Variants in IDNK observed in about 807,000 individuals in gnomAD.
IDNK encodes the protein gluconokinase.
In IDNK, 9 loss-of-function variants were observed where a neutral mutation model predicts 13.0. The observed-to-expected ratio is 0.69, with a 90% CI of 0.42 to 1.21. The LOEUF (loss-of-function observed/expected upper bound fraction) is 1.21, where lower values mean the gene tolerates loss of function less well. Among genes scored for constraint, IDNK ranks in the 50% most tolerant of loss-of-function variants. The pLI is 0.00. For synonymous variants in IDNK, 92 were observed against 94.9 expected (o/e 0.97, Z 0.18); for missense variants, 210 against 237.8 (o/e 0.88, Z 0.77).
intron 1 of IDNK, among the ~76,000 whole-genome samples, chr9:83,624,995 G>A (rs1830810542): frequency 2.6e-5 from 4 of 151,368 alleles, no homozygotes; most frequent in Admixed American, 1.3e-4. Flanking sequence ...GATTACAGGC[G>A]TGAGCCACCG....
At chr9:83,635,930 A>G (rs1458736793) in intron 3 of IDNK, among the ~76,000 whole-genome samples, 1 of 152,210 alleles carries the variant, frequency 6.6e-6, no homozygotes, top group Non-Finnish European at 1.5e-5. Context: ...ACTGAATCCC[A>G]GAGTGGGAAG....
chr9:83,632,023 T>C (rs535190707), intron 3 of IDNK, among the ~76,000 whole-genome samples: 9 of 152,308 alleles, frequency 5.9e-5, no homozygotes, highest in African/African-American at 2.2e-4. Context: ...ATTTGCCCTG[T>C]ATAGAAAATT....
At chr9:83,629,917 C>T (rs940525706) in intron 3 of IDNK, among the ~76,000 whole-genome samples, 1 of 152,352 alleles carries the variant, frequency 6.6e-6, no homozygotes, top group South Asian at 2.1e-4. Context: ...GGCCGTGAGG[C>T]CATCCCCTAG....
intron 3 of IDNK, among the ~76,000 whole-genome samples, chr9:83,634,494 G>A (rs1831112786): frequency 6.6e-6 from 1 of 152,132 alleles, no homozygotes; most frequent in African/African-American, 2.4e-5. Context: ...CTATTTCTTT[G>A]TACACAAGAT....
Position 83,643,671 on chromosome 9 carries a change from T to C in IDNK, c.455T>C (p.Phe152Ser). 1 of 1,613,860 alleles carries C rather than the reference T, an allele frequency of 6.2e-7. No homozygotes were observed. Residue 152 changes from phenylalanine to serine, a missense_variant, in exon 5 of 5, where the codon TTT becomes TCT. Physicochemically the swap from Phe to Ser is radical, Grantham distance 155 (BLOSUM62 -2). Coordinates refer to ENST00000376419, the MANE Select transcript of IDNK (RefSeq NM_001001551.4). ...FMPPELLQSQ[F>S]ETLEPPAAPE... ...CCCCCTGAATTATTGCAGTCCCAGT[T>C]TGAGACTCTGGAGCCCCCAGCAGCT...
chr9:83,628,662 A>AG (rs1167824042), intron 2 of IDNK, among the ~76,000 whole-genome samples: 1 of 151,898 alleles, frequency 6.6e-6, no homozygotes, highest in African/African-American at 2.4e-5. Flanking sequence ...AAAAAAAAAA[A>AG]AAAGTAATGA....
chr9:83,633,232 G>A lies in IDNK; in HGVS notation c.168+4273G>A, dbSNP rs527367133. Among the ~76,000 whole-genome samples, 10 of 152,316 alleles carry A rather than the reference G, an allele frequency of 6.6e-5. No individual in the cohort carries two copies. In the South Asian group the frequency reaches 1.2e-3, roughly 19 times the overall value. Reference sequence around the variant, plus strand: ...CAGGCGCCTGTAGTCCCAGCTACTCGGGAGGCTGAGGCGGGAGAATGGCGT... The same window carrying A: ...CAGGCGCCTGTAGTCCCAGCTACTCAGGAGGCTGAGGCGGGAGAATGGCGT... On this transcript the variant is annotated intron_variant, in intron 3 of 4. Transcript: ENST00000376419.
At chr9:83,623,401 G>T (rs1285197457) in intron 1 of IDNK, 180 bp downstream of exon 1, 2 of 632,114 alleles carry the variant, frequency 3.2e-6, no homozygotes, top group Non-Finnish European at 5.4e-6. Context: ...CAGCCTGCTC[G>T]CGGGGCGCCC....
At chr9:83,637,170 T>G (rs1448858779) in intron 3 of IDNK, among the ~76,000 whole-genome samples, 1 of 152,254 alleles carries the variant, frequency 6.6e-6, no homozygotes, top group East Asian at 1.9e-4. Context: ...CTGTACATTT[T>G]GTGATTTTTG....
At chr9:83,641,660 GA>G (rs961926546) in intron 4 of IDNK, 69 bp downstream of exon 4, 59 of 1,483,978 alleles carry the variant, frequency 4.0e-5, no homozygotes, top group African/African-American at 1.5e-4. Flanking sequence ...AAAAGACAGG[GA>G]AAAAAAATAC....
chr9:83,640,517 T>C (rs1807104686), intron 3 of IDNK, among the ~76,000 whole-genome samples: 1 of 152,140 alleles, frequency 6.6e-6, no homozygotes, highest in African/African-American at 2.4e-5. Flanking sequence ...GTTGGGGGCA[T>C]ACGTATAACA....
chr9:83,632,692 T>A (rs1440818389), intron 3 of IDNK, among the ~76,000 whole-genome samples: 1 of 151,376 alleles, frequency 6.6e-6, no homozygotes. Flanking sequence ...TGATCTGGAG[T>A]GTGAAAACCT....
chr9:83,632,930 T>C (rs190498531), intron 3 of IDNK, among the ~76,000 whole-genome samples: 1 of 152,214 alleles, frequency 6.6e-6, no homozygotes, highest in Non-Finnish European at 1.5e-5. Context: ...TTGGAGCTCA[T>C]GTGTCTAGGT....
At chr9:83,629,115 C>T (rs1044725729) in intron 3 of IDNK, among the ~76,000 whole-genome samples, 156 bp downstream of exon 3, 2 of 152,188 alleles carry the variant, frequency 1.3e-5, no homozygotes. Flanking sequence ...CATATGTTAG[C>T]TCCAGTCCTG....
Position 83,643,837 on chromosome 9 carries a change from C to T in IDNK, c.*57C>T. On this transcript the variant is annotated 3_prime_UTR_variant, in exon 5 of 5. Coordinates refer to ENST00000376419, the MANE Select transcript of IDNK (RefSeq NM_001001551.4). ...CTAAGCATAAATCATTGTGCCATCC[C>T]AAACCTCGTTCCAGCCGCCTTGCCC... is the stretch of plus-strand genomic sequence containing the variant. 7.5e-7 allele frequency: 1 copy of T among 1,336,386 alleles called. No homozygotes were observed. Among genetic ancestry groups the T allele is most frequent in the Non-Finnish European group, 1.0e-6 (1 of 962,238 alleles). 82.8% of individuals were successfully genotyped at this position (1,336,386 alleles called of 1,614,324 possible). A position where few individuals can be genotyped will look rare whatever the true frequency, so the allele number is the denominator to read the frequency against.
At chr9:83,639,759 G>T (rs1831253998) in intron 3 of IDNK, among the ~76,000 whole-genome samples, 1 of 152,196 alleles carries the variant, frequency 6.6e-6, no homozygotes, top group Admixed American at 6.5e-5. Flanking sequence ...GACTATTCTG[G>T]TGCTGCATTT....
intron 3 of IDNK, among the ~76,000 whole-genome samples, chr9:83,635,922 T>G (rs1417288278): frequency 6.6e-6 from 1 of 152,200 alleles, no homozygotes; most frequent in African/African-American, 2.4e-5. Flanking sequence ...TTTATAGGAC[T>G]GAATCCCAGA....
At chr9:83,641,743 A>G in intron 4 of IDNK, 152 bp downstream of exon 4, 1 of 808,314 alleles carries the variant, frequency 1.2e-6, no homozygotes, top group South Asian at 1.7e-5. Context: ...GGTAACCACA[A>G]TGATTTCAAC....
intron 3 of IDNK, among the ~76,000 whole-genome samples, chr9:83,635,134 AG>A (rs940558668): frequency 6.6e-5 from 10 of 152,230 alleles, no homozygotes; most frequent in African/African-American, 2.4e-4. Flanking sequence ...CTGGGACTCC[AG>A]GGCTGGCTCT....
Sources: gnomAD v4.1 joint callset for allele counts (sites outside exome capture counted in the v4.1 genomes callset) on GRCh38, gnomAD v4.1.1 for gene constraint, MANE v1.5 for transcripts, NCBI Gene and HGNC (gene_info 2026-07-23, HGNC 2026-07-21) for gene names.